CARMIL1: variants seen among roughly 807,000 people sequenced by gnomAD.
The protein encoded by CARMIL1 is capping protein regulator and myosin 1 linker 1, also known as F-actin-uncapping protein LRRC16A.
Under a neutral mutation model 177.1 loss-of-function variants are expected in CARMIL1, and 90 were observed. That is an observed-to-expected ratio of 0.51 (90% CI 0.43 to 0.61). The LOEUF is 0.61. CARMIL1 is among the 20% of genes least tolerant of loss of function. The pLI is 0.00. For synonymous variants in CARMIL1, 577 were observed against 606.2 expected (o/e 0.95, Z 0.71); for missense variants, 1,380 against 1,667.0 (o/e 0.83, Z 3.00).
At chr6:25,569,740 A>G (rs1811890734) in intron 29 of CARMIL1, among the ~76,000 whole-genome samples, 1 of 152,224 alleles carries the variant, frequency 6.6e-6, no homozygotes, top group Admixed American at 6.5e-5. Flanking sequence ...TCACTGAACT[A>G]TGATGTCCAT....
chr6:25,307,068 A>T (rs1045723858), intron 2 of CARMIL1, among the ~76,000 whole-genome samples: 34 of 151,846 alleles, frequency 2.2e-4, no homozygotes, highest in African/African-American at 8.0e-4. Flanking sequence ...TTTAGTAGAG[A>T]CAGGTTTTCA....
chr6:25,576,890 A>G (rs1318694352), intron 29 of CARMIL1: 83 of 355,032 alleles, frequency 2.3e-4, no homozygotes, highest in Middle Eastern at 1.4e-3. Flanking sequence ...TGTGAATGGT[A>G]TCCCTCTCCC....
Position 25,541,519 on chromosome 6 carries a change from T to G in CARMIL1, c.2328+1441T>G, listed in dbSNP as rs900264507. Among the ~76,000 whole-genome samples, 88 of 152,210 alleles carry G rather than the reference T, an allele frequency of 5.8e-4. 1 individual carries two copies. The highest frequency in any genetic ancestry group is 1.9e-4 in the Non-Finnish European group (13 of 68,026). On this transcript the variant is annotated intron_variant, in intron 26 of 36. Transcript: ENST00000329474. The stretch of plus-strand genomic sequence containing the variant: ...GTCAAATAGTATTAGTCAAATAGTA[T>G]TATACTTTCATATGGATTCACACAC...
intron 29 of CARMIL1, among the ~76,000 whole-genome samples, chr6:25,562,807 T>C (rs1291202448): frequency 6.6e-6 from 1 of 152,022 alleles, no homozygotes; most frequent in Non-Finnish European, 1.5e-5. Context: ...CATGAACCAA[T>C]TGTGACTAGT....
intron 36 of CARMIL1, among the ~76,000 whole-genome samples, chr6:25,616,469 G>T (rs1286400992): frequency 6.6e-6 from 1 of 152,134 alleles, no homozygotes; most frequent in Non-Finnish European, 1.5e-5. Context: ...TGCTACTCTG[G>T]AAGCTGAGAC....
intron 2 of CARMIL1, among the ~76,000 whole-genome samples, chr6:25,395,621 T>C (rs1446708457): frequency 6.6e-6 from 1 of 152,244 alleles, no homozygotes; most frequent in African/African-American, 2.4e-5. Context: ...AAAGTCTTTT[T>C]GTTATACATA....
At chr6:25,502,460 C>T (rs990890266) in intron 17 of CARMIL1, among the ~76,000 whole-genome samples, 5 of 150,408 alleles carry the variant, frequency 3.3e-5, no homozygotes, top group South Asian at 4.2e-4. Context: ...GAGGCTGAGG[C>T]AGAGAATTGC....
chr6:25,329,306 CTT>C (rs888151076), intron 2 of CARMIL1, among the ~76,000 whole-genome samples: 2 of 152,070 alleles, frequency 1.3e-5, no homozygotes, highest in African/African-American at 4.8e-5. Context: ...TGACCAGGCT[CTT>C]TCTTTTAGCA....
At chr6:25,610,914 A>G (rs192414590) in intron 36 of CARMIL1, among the ~76,000 whole-genome samples, 130 of 152,292 alleles carry the variant, frequency 8.5e-4, no homozygotes, top group African/African-American at 2.7e-3. Flanking sequence ...TGTAAATGCC[A>G]TCTCTGAGCC....
intron 2 of CARMIL1, among the ~76,000 whole-genome samples, chr6:25,313,683 G>GCATGTATATATATATA: frequency 7.5e-6 from 1 of 133,772 alleles, no homozygotes; most frequent in South Asian, 2.6e-4. Context: ...AGGGAAGGCT[G>GCATGTATATATATATA]TATATATACA....
chr6:25,417,262 A>G (rs1403227062), intron 2 of CARMIL1, among the ~76,000 whole-genome samples: 1 of 152,118 alleles, frequency 6.6e-6, no homozygotes, highest in African/African-American at 2.4e-5. Context: ...AGCCAAGCGT[A>G]TCTCTGGTGC....
At chr6:25,493,911 A>G (rs1398187219) in intron 15 of CARMIL1, among the ~76,000 whole-genome samples, 3 of 151,984 alleles carry the variant, frequency 2.0e-5, no homozygotes, top group Non-Finnish European at 4.4e-5. Flanking sequence ...GAGATTTCTT[A>G]TATCACATAG....
At chr6:25,416,382 A>T (rs895998287) in intron 2 of CARMIL1, among the ~76,000 whole-genome samples, 1 of 152,164 alleles carries the variant, frequency 6.6e-6, no homozygotes, top group African/African-American at 2.4e-5. Flanking sequence ...ACTGCCACCT[A>T]CTTGCTGGAT....
intron 2 of CARMIL1, among the ~76,000 whole-genome samples, chr6:25,386,409 C>T (rs924086682): frequency 2.6e-5 from 4 of 152,000 alleles, no homozygotes; most frequent in Admixed American, 1.3e-4. Flanking sequence ...TCTGCCACCA[C>T]ACCTGGCTAA....
chr6:25,607,376 A>G (rs1041369611), intron 35 of CARMIL1, among the ~76,000 whole-genome samples: 5 of 152,208 alleles, frequency 3.3e-5, no homozygotes, highest in Admixed American at 3.3e-4. Context: ...GATCATCATC[A>G]TGGCTAATCT....
rs1437210298 is a variant in CARMIL1, at chr6:25,281,132, GCGCGCACACACA to G, written c.40+1299_40+1310del. On this transcript the variant is annotated intron_variant, in intron 1 of 36. Coordinates refer to ENST00000329474, the MANE Select transcript of CARMIL1 (RefSeq NM_017640.6). ...TTCACAGACGCACGCGCGTGTGCGC[GCGCGCACACACA>G]CACACACACACACACACACACACAC... is the stretch of plus-strand genomic sequence containing the variant. 5.1e-3 allele frequency among the ~76,000 whole-genome samples: 508 copies of G among 99,882 alleles called. 4 individuals are homozygous for G. Among genetic ancestry groups the G allele is most frequent in the African/African-American group, 0.011 (323 of 28,474 alleles). 65.5% of individuals were successfully genotyped at this position (99,882 alleles called of 152,430 possible).
rs1012736054 is a variant in CARMIL1, at chr6:25,426,487, C to T, written c.190-14C>T. The T allele has an allele frequency of 6.2e-7, 1 of 1,606,956 alleles. No individual in the cohort carries two copies. The highest frequency in any genetic ancestry group is 1.7e-5 in the Admixed American group (1 of 59,682). On this transcript the variant is annotated splice_polypyrimidine_tract_variant and intron_variant, in intron 3 of 36. Transcript: ENST00000329474. The stretch of plus-strand genomic sequence containing the variant: ...TTGCAGGTCTTTTCTTTCCTCCTTT[C>T]CCCTCAATTGCAGCTCGAGTTAACC...
chr6:25,619,003 G>A (rs562769383), intron 36 of CARMIL1, among the ~76,000 whole-genome samples: 13 of 152,284 alleles, frequency 8.5e-5, no homozygotes, highest in Non-Finnish European at 1.8e-4. Flanking sequence ...AGAAGGCATC[G>A]AATGGGACAT....
intron 33 of CARMIL1, 131 bp from the exon 34 acceptor site, chr6:25,604,681 A>G: frequency 1.5e-6 from 1 of 687,926 alleles, no homozygotes. Context: ...GAGACAGGTC[A>G]GGCACAGTCA....
Sources: allele counts gnomAD v4.1 joint callset (sites outside exome capture counted in the v4.1 genomes callset), GRCh38; gene constraint gnomAD v4.1.1; transcripts MANE v1.5; gene names NCBI Gene and HGNC (gene_info 2026-07-23, HGNC 2026-07-21).